Variants in SFI1 observed in about 807,000 individuals in gnomAD.
SFI1 encodes the protein protein SFI1 homolog.
A neutral mutation model predicts 207.5 loss-of-function variants in SFI1; 195 were observed. That is an observed-to-expected ratio of 0.94 (90% CI 0.84 to 1.06). The LOEUF is 1.06. Ranked by LOEUF, SFI1 falls within the 50% of genes least tolerant of loss-of-function variation. The probability of loss-of-function intolerance (pLI) is 0.00; values close to 1 mark genes in which losing one functional copy is unlikely to be tolerated. For missense variants in SFI1, 1,634 were observed against 1,588.0 expected, an observed-to-expected ratio of 1.03 and a Z score of -0.49; for synonymous variants, 630 against 598.9, an observed-to-expected ratio of 1.05 and a Z score of -0.76.
intron 4 of SFI1, among the ~76,000 whole-genome samples, chr22:31,534,774 G>GTT (rs551696416): frequency 6.9e-6 from 1 of 144,202 alleles, no homozygotes; most frequent in Admixed American, 6.9e-5. Flanking sequence ...TGTAAACAAG[G>GTT]TTTTTTTTTT....
intron 4 of SFI1, among the ~76,000 whole-genome samples, chr22:31,536,757 C>T (rs1282039569): frequency 6.6e-6 from 1 of 152,132 alleles, no homozygotes; most frequent in Non-Finnish European, 1.5e-5. Flanking sequence ...ATATTTGACC[C>T]ATATTTGACT....
At chr22:31,565,672 C>A (rs1171308509) in intron 8 of SFI1, among the ~76,000 whole-genome samples, 1 of 152,068 alleles carries the variant, frequency 6.6e-6, no homozygotes, top group African/African-American at 2.4e-5. Flanking sequence ...TGCACTCCAG[C>A]TTGGGCAACA....
At chr22:31,530,891 C>T in intron 3 of SFI1, 167 bp from the exon 4 acceptor site, 1 of 591,978 alleles carries the variant, frequency 1.7e-6, no homozygotes, top group Non-Finnish European at 3.0e-6. Context: ...ATAAATCTGC[C>T]CCATCCTATG....
intron 4 of SFI1, among the ~76,000 whole-genome samples, chr22:31,543,094 C>T (rs956795582): frequency 2.0e-5 from 3 of 151,914 alleles, no homozygotes; most frequent in African/African-American, 7.3e-5. Flanking sequence ...CCTCAGCCTC[C>T]TGAGTAGTTG....
rs371435515 is a variant in SFI1, at chr22:31,604,817, CAG to C, written c.1978-51_1978-50del. The C allele has an allele frequency of 8.7e-4, 1,350 of 1,547,496 alleles. 7 individuals are homozygous for C. The highest frequency in any genetic ancestry group is 7.7e-3 in the South Asian group (672 of 87,376). ...GATGCACCTCTGAGGCCTGCCTAAA[CAG>C]GGGGAAGTGTGGGCCCAAGAGCAGC... On this transcript the variant is annotated intron_variant, in intron 19 of 32. Coordinates refer to ENST00000400288, the MANE Select transcript of SFI1 (RefSeq NM_001007467.3).
rs58333559 is a variant in SFI1, at chr22:31,553,838, GTTTTTTTTTTTTTTT to G, written c.545-3088_545-3074del. Among the ~76,000 whole-genome samples, 33 of 26,308 alleles carry G rather than the reference GTTTTTTTTTTTTTTT, an allele frequency of 1.3e-3. No individual in the cohort carries two copies. The South Asian group carries it at 0.016, about 12-fold the overall frequency. 17.3% of individuals were successfully genotyped at this position (26,308 alleles called of 152,430 possible). On this transcript the variant is annotated intron_variant, in intron 6 of 32. Coordinates refer to ENST00000400288, the MANE Select transcript of SFI1 (RefSeq NM_001007467.3). The stretch of plus-strand genomic sequence containing the variant: ...ATTCTATTTTTTTTTAATGGATTAT[GTTTTTTTTTTTTTTT>G]TTTTTTTTTTTTTTTGCGAGAGTCC...
At chr22:31,554,607 C>CT (rs71202098) in intron 6 of SFI1, among the ~76,000 whole-genome samples, 2 of 133,306 alleles carry the variant, frequency 1.5e-5, no homozygotes, top group South Asian at 2.4e-4. Context: ...TGCGCCCAGC[C>CT]TTTTTTTTTT....
At chr22:31,510,878 T>C (rs1191964870) in intron 2 of SFI1, among the ~76,000 whole-genome samples, 1 of 152,204 alleles carries the variant, frequency 6.6e-6, no homozygotes, top group African/African-American at 2.4e-5. Context: ...GTAAATGTCC[T>C]CTCTTTCATA....
chr22:31,604,938 C>G lies in SFI1; in HGVS notation c.2047C>G (p.Leu683Val). ...CAGGGAGAGCCAGCACAACAGGCAG[C>G]TGCTGCGGTGAGTCTCCCGGGCGCC... ...AARESQHNRQ[L>V]LRGALRRWKE... Residue 683 changes from leucine to valine, a missense_variant, in exon 20 of 33, where the codon CTG (leucine) becomes GTG (valine). Coordinates refer to ENST00000400288, the MANE Select transcript of SFI1 (RefSeq NM_001007467.3). 6.2e-7 allele frequency: 1 copy of G among 1,608,118 alleles called. No homozygotes were observed. The highest frequency in any genetic ancestry group is 8.5e-7 in the Non-Finnish European group (1 of 1,177,188).
At position 31,608,045 on chromosome 22, in the gene SFI1, C is replaced by G. The variant is rs1416871042; in HGVS notation, c.2254+12C>G. On this transcript the variant is annotated intron_variant, in intron 22 of 32. Coordinates refer to ENST00000400288, the MANE Select transcript of SFI1 (RefSeq NM_001007467.3). ...GGTGCTGGACAGGGGTAAGTGGGGCCCCAGAAGCAAGTCATGTTGAGGAAT... is the reference window on the plus strand; with the variant it reads ...GGTGCTGGACAGGGGTAAGTGGGGCGCCAGAAGCAAGTCATGTTGAGGAAT... The G allele has an allele frequency of 8.1e-6, 13 of 1,610,876 alleles. No individual in the cohort carries two copies. The highest frequency in any genetic ancestry group is 1.1e-5 in the Non-Finnish European group (13 of 1,177,618).
chr22:31,588,141 G>T (rs1165235840), intron 14 of SFI1, among the ~76,000 whole-genome samples: 2 of 152,310 alleles, frequency 1.3e-5, no homozygotes, highest in East Asian at 1.9e-4. Context: ...CAACTGAAAA[G>T]ATTCTAATGG....
intron 2 of SFI1, among the ~76,000 whole-genome samples, chr22:31,511,545 G>A (rs778698635): frequency 2.1e-5 from 3 of 142,076 alleles, no homozygotes; most frequent in Non-Finnish European, 4.5e-5. Context: ...TCCGCTCACT[G>A]CAACCTCTGC....
intron 9 of SFI1, among the ~76,000 whole-genome samples, chr22:31,574,105 C>T (rs1032964233): frequency 2.0e-5 from 3 of 152,152 alleles, no homozygotes; most frequent in Non-Finnish European, 2.9e-5. Flanking sequence ...AACATTAGTA[C>T]ACTTTTTAAC....
At chr22:31,527,565 T>C (rs1235738961) in intron 2 of SFI1, among the ~76,000 whole-genome samples, 1 of 152,188 alleles carries the variant, frequency 6.6e-6, no homozygotes, top group East Asian at 1.9e-4. Flanking sequence ...CAAGACCCTA[T>C]TTCAAGAAAA....
At position 31,615,132 on chromosome 22, in the gene SFI1, G is replaced by A. The variant is rs200843090; in HGVS notation, c.3153G>A (p.Pro1051=). 53 of 1,609,234 alleles carry A rather than the reference G, an allele frequency of 3.3e-5. No individual in the cohort carries two copies. Among genetic ancestry groups the A allele is most frequent in the East Asian group, 2.2e-4 (10 of 44,844 alleles). Residue 1051 remains proline (P), a synonymous_variant, in exon 29 of 33, where the codon CCG becomes CCA. Transcript: ENST00000400288. ...SLTRPFLAEA[P]TALVPHSPLP... ...CGCGGCCCTTCCTGGCAGAGGCCCC[G>A]ACAGCACTGGTCCCACACAGCCCCC...
rs2053176428 is a variant in SFI1, at chr22:31,498,665, C to A, written c.-31+2028C>A. Among the ~76,000 whole-genome samples, 3 of 141,614 alleles carry A rather than the reference C, an allele frequency of 2.1e-5. No individual in the cohort carries two copies. The East Asian group carries it at 6.1e-4, about 29-fold the overall frequency. 92.9% of individuals were successfully genotyped at this position (141,614 alleles called of 152,430 possible). A position where few individuals can be genotyped will look rare whatever the true frequency, so the allele number is the denominator to read the frequency against. On this transcript the variant is annotated intron_variant, in intron 1 of 32. Coordinates refer to ENST00000400288, the MANE Select transcript of SFI1 (RefSeq NM_001007467.3). ...GACTCCGTCTAAAAAAAAAAAAAAT[C>A]ATTAAAAGGAGTTTGAAAAAGTTGA...
chr22:31,530,210 G>A (rs1187515572), intron 3 of SFI1, among the ~76,000 whole-genome samples: 2 of 112,468 alleles, frequency 1.8e-5, no homozygotes, highest in Non-Finnish European at 1.8e-5. Context: ...AAAAGACAAG[G>A]CCGGGCGCGG....
chr22:31,539,220 A>G (rs553598515), intron 4 of SFI1, among the ~76,000 whole-genome samples: 39 of 152,170 alleles, frequency 2.6e-4, no homozygotes, highest in African/African-American at 8.7e-4. Context: ...AGTGACTCCA[A>G]TGGCCCCTCA....
chr22:31,498,020 C>T (rs1027042534), intron 1 of SFI1, among the ~76,000 whole-genome samples: 2 of 152,202 alleles, frequency 1.3e-5, no homozygotes, highest in Non-Finnish European at 2.9e-5. Flanking sequence ...GTGGGCTGGG[C>T]ATGGTGGCTC....
Sources: gnomAD v4.1 joint callset for allele counts (sites outside exome capture counted in the v4.1 genomes callset) on GRCh38, gnomAD v4.1.1 for gene constraint, MANE v1.5 for transcripts, NCBI Gene and HGNC (gene_info 2026-07-23, HGNC 2026-07-21) for gene names.